GRID2: variants seen among roughly 807,000 people sequenced by gnomAD.
GRID2 encodes the protein glutamate ionotropic receptor delta type subunit 2.
A neutral mutation model predicts 114.8 loss-of-function variants in GRID2; 33 were observed. The ratio of observed to expected loss-of-function variants is 0.29; its 90% CI spans 0.22 to 0.38. The LOEUF (loss-of-function observed/expected upper bound fraction) is 0.38, where lower values mean the gene tolerates loss of function less well. Ranked by LOEUF, GRID2 falls within the 10% of genes least tolerant of loss-of-function variation. The pLI, the probability that GRID2 is intolerant of heterozygous loss-of-function variation, is 1.00. For synonymous variants in GRID2, 505 were observed against 449.9 expected, an observed-to-expected ratio of 1.12 and a Z score of -1.55; for missense variants, 1,184 against 1,257.7, an observed-to-expected ratio of 0.94 and a Z score of 0.89.
At chr4:93,753,451 G>A (rs1428915243) in intron 14 of GRID2, among the ~76,000 whole-genome samples, 1 of 152,004 alleles carries the variant, frequency 6.6e-6, no homozygotes, top group Non-Finnish European at 1.5e-5. Flanking sequence ...CCATTAACTC[G>A]TCATTTGTAT....
chr4:93,348,701 A>T (rs1482573951), intron 8 of GRID2, among the ~76,000 whole-genome samples: 1 of 152,146 alleles, frequency 6.6e-6, no homozygotes, highest in Non-Finnish European at 1.5e-5. Flanking sequence ...TGGAGCATTC[A>T]TCATTCTACT....
chr4:92,379,155 T>C (rs1428999412), intron 1 of GRID2, among the ~76,000 whole-genome samples: 1 of 151,956 alleles, frequency 6.6e-6, no homozygotes, highest in Non-Finnish European at 1.5e-5. Context: ...TATTTAAACA[T>C]GTACTTGTAT....
intron 2 of GRID2, among the ~76,000 whole-genome samples, chr4:92,843,459 T>C (rs937773854): frequency 3.3e-5 from 5 of 152,084 alleles, no homozygotes; most frequent in Non-Finnish European, 7.4e-5. Flanking sequence ...GTATCTGAAA[T>C]TTAATCTTAG....
chr4:93,191,199 C>G (rs1462952115), intron 4 of GRID2, among the ~76,000 whole-genome samples: 5 of 151,946 alleles, frequency 3.3e-5, no homozygotes, highest in African/African-American at 1.2e-4. Flanking sequence ...TAGCAAAACT[C>G]TAGATAGTCT....
At chr4:93,311,406 G>A (rs939612986) in intron 8 of GRID2, among the ~76,000 whole-genome samples, 22 of 152,078 alleles carry the variant, frequency 1.4e-4, no homozygotes, top group Non-Finnish European at 3.2e-4. Flanking sequence ...TGGATTAACT[G>A]TGCACCAATT....
intron 2 of GRID2, among the ~76,000 whole-genome samples, chr4:92,749,168 T>C (rs1240419183): frequency 1.3e-5 from 2 of 151,596 alleles, no homozygotes; most frequent in Non-Finnish European, 2.9e-5. Flanking sequence ...CAGGCCTAGC[T>C]GATTTTTGTA....
intron 8 of GRID2, among the ~76,000 whole-genome samples, chr4:93,318,023 T>TATATATATATATATATATATATA (rs1560493013): frequency 7.1e-5 from 5 of 70,818 alleles, no homozygotes; most frequent in Admixed American, 4.8e-4. Context: ...ATATATATAT[T>TATATATATATATATATATATATA]ACTACTTTCT....
intron 9 of GRID2, among the ~76,000 whole-genome samples, chr4:93,409,609 TGAGA>T (rs761564662): frequency 4.6e-5 from 7 of 152,164 alleles, no homozygotes; most frequent in South Asian, 4.2e-4. Flanking sequence ...ACACACACAC[TGAGA>T]GAGAGATTTT....
At chr4:93,300,125 G>A (rs774920328) in intron 8 of GRID2, among the ~76,000 whole-genome samples, 3 of 152,026 alleles carry the variant, frequency 2.0e-5, no homozygotes, top group Non-Finnish European at 4.4e-5. Flanking sequence ...CCTTTTGTGT[G>A]TGTGTGATGG....
intron 14 of GRID2, among the ~76,000 whole-genome samples, chr4:93,675,664 C>G (rs1724787939): frequency 6.6e-6 from 1 of 152,210 alleles, no homozygotes; most frequent in African/African-American, 2.4e-5. Context: ...GCTCACACAT[C>G]TAACCACTTT....
chr4:93,716,875 C>G (rs1423840176), intron 14 of GRID2, among the ~76,000 whole-genome samples: 1 of 151,974 alleles, frequency 6.6e-6, no homozygotes, highest in Non-Finnish European at 1.5e-5. Flanking sequence ...AAGAAAGGGT[C>G]TCTAGATCAA....
At chr4:93,679,705 A>T (rs549830291) in intron 14 of GRID2, among the ~76,000 whole-genome samples, 71 of 151,288 alleles carry the variant, frequency 4.7e-4, no homozygotes, top group Non-Finnish European at 8.3e-4. Flanking sequence ...TGAAGGCAGA[A>T]ATAAAGATGT....
chr4:93,255,647 C>T (rs1240688661), intron 8 of GRID2, among the ~76,000 whole-genome samples: 2 of 151,906 alleles, frequency 1.3e-5, no homozygotes, highest in South Asian at 2.1e-4. Flanking sequence ...AGTTCTTGTG[C>T]GAAGGGGTTA....
intron 1 of GRID2, among the ~76,000 whole-genome samples, chr4:92,388,531 C>T (rs948815052): frequency 1.8e-4 from 28 of 151,900 alleles, no homozygotes; most frequent in Admixed American, 3.9e-4. Flanking sequence ...TGCCCCACAA[C>T]GGCTATCTTT....
intron 2 of GRID2, among the ~76,000 whole-genome samples, chr4:92,994,576 G>A (rs529012645): frequency 6.6e-6 from 1 of 151,902 alleles, no homozygotes; most frequent in Non-Finnish European, 1.5e-5. Context: ...TGCCTGCCTC[G>A]GCCTCCCAAA....
At chr4:93,502,716 CCACACACACACGCACACCACA>C in intron 12 of GRID2, among the ~76,000 whole-genome samples, 1 of 140,820 alleles carries the variant, frequency 7.1e-6, no homozygotes, top group South Asian at 2.4e-4. Context: ...CTCCCCCCCC[CCACACACACACGCACACCACA>C]CACACACACA....
intron 14 of GRID2, among the ~76,000 whole-genome samples, chr4:93,677,249 C>T (rs1458257736): frequency 6.6e-6 from 1 of 152,220 alleles, no homozygotes; most frequent in Non-Finnish European, 1.5e-5. Context: ...ATTGCCCAGG[C>T]TCCCTTAGGT....
At chr4:92,542,933 A>G (rs958971601) in intron 1 of GRID2, among the ~76,000 whole-genome samples, 5 of 151,988 alleles carry the variant, frequency 3.3e-5, no homozygotes, top group African/African-American at 9.7e-5. Flanking sequence ...GTTTTTATTC[A>G]TTTTGCATTT....
intron 2 of GRID2, among the ~76,000 whole-genome samples, chr4:92,978,581 G>A (rs1439999426): frequency 6.6e-6 from 1 of 151,956 alleles, no homozygotes; most frequent in East Asian, 1.9e-4. Flanking sequence ...GTCCCCTCTG[G>A]CTTGTTTTCT....
Sources: allele counts gnomAD v4.1 joint callset (sites outside exome capture counted in the v4.1 genomes callset), GRCh38; gene constraint gnomAD v4.1.1; transcripts MANE v1.5; gene names NCBI Gene and HGNC (gene_info 2026-07-23, HGNC 2026-07-21).